The following NAALADL2 variants were observed in gnomAD, a reference collection of about 807,000 sequenced individuals.
NAALADL2 encodes the protein N-acetylated alpha-linked acidic dipeptidase like 2.
A neutral mutation model predicts 87.2 loss-of-function variants in NAALADL2; 76 were observed. That is an observed-to-expected ratio of 0.87 (90% CI 0.72 to 1.05). NAALADL2 has a LOEUF of 1.05. Ranked by LOEUF, NAALADL2 falls within the 50% of genes least tolerant of loss-of-function variation. The pLI is 0.00. For synonymous variants in NAALADL2, 354 were observed against 331.0 expected (o/e 1.07, Z -0.75); for missense variants, 1,089 against 945.8 (o/e 1.15, Z -1.99).
At chr3:175,465,054 G>A (rs1723761909) in intron 7 of NAALADL2, among the ~76,000 whole-genome samples, 1 of 152,032 alleles carries the variant, frequency 6.6e-6, no homozygotes, top group Non-Finnish European at 1.5e-5. Flanking sequence ...GATATGCAGA[G>A]TTTCTCAAAT....
rs115541516 is a variant in NAALADL2 at position 174,847,843 on chromosome 3, A to G, written c.-9+110097A>G. On this transcript the variant is annotated intron_variant, in intron 3 of 3. Transcript: ENST00000434257. ...GCACATCCATCTATTTCTTGGAACT[A>G]TAATTTCAAAGATCCACCCAGGTAG... Among the ~76,000 whole-genome samples, 1,101 of 151,398 alleles carry G rather than the reference A, an allele frequency of 7.3e-3. 9 individuals are homozygous for G. Among genetic ancestry groups the G allele is most frequent in the Non-Finnish European group, 0.013 (851 of 67,850 alleles).
intron 5 of NAALADL2, among the ~76,000 whole-genome samples, chr3:175,441,229 G>C (rs1011394847): frequency 1.3e-5 from 2 of 151,962 alleles, no homozygotes; most frequent in Non-Finnish European, 2.9e-5. Flanking sequence ...AGCAAAACTT[G>C]AATTTTCTCC....
chr3:174,636,657 G>A (rs569631290), intron 2 of NAALADL2, among the ~76,000 whole-genome samples: 12 of 152,016 alleles, frequency 7.9e-5, no homozygotes, highest in African/African-American at 2.7e-4. Context: ...GAAAAAGAAC[G>A]GATGTTGGCA....
At chr3:174,677,004 C>T (rs1727099378) in intron 2 of NAALADL2, among the ~76,000 whole-genome samples, 1 of 151,920 alleles carries the variant, frequency 6.6e-6, no homozygotes, top group African/African-American at 2.4e-5. Context: ...ATGTATACCT[C>T]TTGGCTAGCT....
At chr3:174,989,228 A>G (rs1746385463) in intron 1 of NAALADL2, among the ~76,000 whole-genome samples, 1 of 152,148 alleles carries the variant, frequency 6.6e-6, no homozygotes, top group Non-Finnish European at 1.5e-5. Context: ...CTGGATACCA[A>G]ATTTCAAAAT....
intron 10 of NAALADL2, among the ~76,000 whole-genome samples, chr3:175,590,372 A>G (rs1721252425): frequency 6.7e-6 from 1 of 148,552 alleles, no homozygotes; most frequent in African/African-American, 2.5e-5. Flanking sequence ...TAGTCGATAT[A>G]GTGTCTGTAT....
chr3:175,146,075 G>T (rs768102932), intron 2 of NAALADL2, among the ~76,000 whole-genome samples: 1 of 152,052 alleles, frequency 6.6e-6, no homozygotes, highest in Non-Finnish European at 1.5e-5. Context: ...TTGGTAATAA[G>T]TAAGATTCGT....
At chr3:174,931,039 T>G (rs1228968138) in intron 1 of NAALADL2, among the ~76,000 whole-genome samples, 1 of 151,930 alleles carries the variant, frequency 6.6e-6, no homozygotes, top group African/African-American at 2.4e-5. Context: ...GAGAGGTAGT[T>G]CTTTCCTCAC....
intron 3 of NAALADL2, among the ~76,000 whole-genome samples, chr3:174,764,381 G>T (rs1187635507): frequency 6.6e-6 from 1 of 152,190 alleles, no homozygotes; most frequent in Non-Finnish European, 1.5e-5. Flanking sequence ...GGAGGTTGAG[G>T]CAGGTGGATC....
At chr3:175,706,951 C>T (rs139446566) in intron 11 of NAALADL2, among the ~76,000 whole-genome samples, 23 of 152,146 alleles carry the variant, frequency 1.5e-4, no homozygotes, top group African/African-American at 5.1e-4. Flanking sequence ...AAGACAGAAA[C>T]ATTTAACTAC....
intron 11 of NAALADL2, among the ~76,000 whole-genome samples, chr3:175,732,267 G>C (rs372122427): frequency 1.4e-4 from 22 of 152,244 alleles, no homozygotes; most frequent in East Asian, 1.4e-3. Context: ...GTGCATGATG[G>C]GGGGGATGCA....
chr3:174,467,885 ATTTT>A (rs911471720), intron 1 of NAALADL2, among the ~76,000 whole-genome samples: 1 of 149,894 alleles, frequency 6.7e-6, no homozygotes, highest in Non-Finnish European at 1.5e-5. Flanking sequence ...GCTGAACAAA[ATTTT>A]TTTTTTAGGA....
At chr3:175,590,938 T>C (rs982862706) in intron 10 of NAALADL2, among the ~76,000 whole-genome samples, 3 of 152,114 alleles carry the variant, frequency 2.0e-5, no homozygotes, top group Non-Finnish European at 2.9e-5. Flanking sequence ...TGCGAATTAT[T>C]AAGAGGCCCA....
intron 4 of NAALADL2, among the ~76,000 whole-genome samples, chr3:175,304,431 G>A (rs1362195430): frequency 6.6e-6 from 1 of 152,132 alleles, no homozygotes; most frequent in Non-Finnish European, 1.5e-5. Context: ...CTGTATGCAA[G>A]TCTGGCATGA....
At chr3:174,489,693 A>G (rs1718063283) in intron 1 of NAALADL2, among the ~76,000 whole-genome samples, 1 of 152,134 alleles carries the variant, frequency 6.6e-6, no homozygotes. Flanking sequence ...AGAAGAAGAC[A>G]TGCATATGGC....
At chr3:175,295,406 T>C (rs989415031) in intron 4 of NAALADL2, among the ~76,000 whole-genome samples, 1 of 152,088 alleles carries the variant, frequency 6.6e-6, no homozygotes, top group Non-Finnish European at 1.5e-5. Context: ...TACTTCTGTG[T>C]TTTTTTCCTC....
chr3:175,539,086 A>G (rs183702320), intron 9 of NAALADL2, among the ~76,000 whole-genome samples: 16 of 152,284 alleles, frequency 1.1e-4, no homozygotes, highest in African/African-American at 3.9e-4. Context: ...GACCTACATG[A>G]CTGTTGTAGT....
chr3:175,322,720 A>G (rs1386433748), intron 4 of NAALADL2, among the ~76,000 whole-genome samples: 225 of 147,932 alleles, frequency 1.5e-3, no homozygotes, highest in African/African-American at 5.6e-3. Flanking sequence ...TTATGCAGCC[A>G]AAAAACACAT....
At chr3:175,779,888 T>C (rs1296740516) in intron 13 of NAALADL2, among the ~76,000 whole-genome samples, 2 of 152,158 alleles carry the variant, frequency 1.3e-5, no homozygotes, top group Non-Finnish European at 2.9e-5. Context: ...TGATTTTTAT[T>C]CCTATCACAT....
Sources: gnomAD v4.1 joint callset for allele counts (sites outside exome capture counted in the v4.1 genomes callset) on GRCh38, gnomAD v4.1.1 for gene constraint, MANE v1.5 for transcripts, NCBI Gene and HGNC (gene_info 2026-07-23, HGNC 2026-07-21) for gene names.